The following LRP2 variants were observed in gnomAD, a reference collection of about 807,000 sequenced individuals.
LRP2 encodes the protein LDL receptor related protein 2.
LRP2 carries 172 observed loss-of-function variants against 531.0 expected under a neutral mutation model. The ratio of observed to expected loss-of-function variants is 0.32; its 90% confidence interval spans 0.29 to 0.37. The LOEUF is 0.37. Ranked by LOEUF, LRP2 falls within the 10% of genes least tolerant of loss-of-function variation. The pLI, the probability that LRP2 is intolerant of heterozygous loss-of-function variation, is 1.00. For synonymous variants in LRP2, 1,992 were observed against 2,027.6 expected, an observed-to-expected ratio of 0.98 and a Z score of 0.47; for missense variants, 5,167 against 5,868.3, an observed-to-expected ratio of 0.88 and a Z score of 3.90.
rs200492791 is a variant in LRP2, at chr2:169,132,561, C to T, written c.13728+13G>A. 1.6e-4 allele frequency: 234 copies of T among 1,491,988 alleles called. 3 individuals carry two copies. The highest frequency in any genetic ancestry group is 1.4e-3 in the South Asian group (120 of 88,584). The allele number at this position is 1,491,988 out of a possible 1,614,324, so 92.4% of individuals were successfully genotyped here. On this transcript the variant is annotated intron_variant, in intron 77 of 78. Transcript: ENST00000649046. ...CCAAATCCCACATTATTTCAGGAGT[C>T]GGCAACTGTTACCTGAGTTCCATCA...
At chr2:169,298,430 A>G (rs1313180454) in intron 4 of LRP2, among the ~76,000 whole-genome samples, 1 of 152,158 alleles carries the variant, frequency 6.6e-6, no homozygotes, top group Non-Finnish European at 1.5e-5. Flanking sequence ...CCAGAATTCA[A>G]ATCCAATCAA....
chr2:169,293,675 C>CA (rs113991756), intron 6 of LRP2, among the ~76,000 whole-genome samples: 78,545 of 151,780 alleles, frequency 0.52, 20,494 homozygotes, highest in East Asian at 0.66. Context: ...ACTCCATCTC[C>CA]AAAAAAAGAA....
rs1687848230 is a variant in LRP2 at position 169,192,023 on chromosome 2, G to C, written c.8841C>G (p.Asn2947Lys). 1 of 1,611,408 alleles carries C rather than the reference G, an allele frequency of 6.2e-7. No individual in the cohort carries two copies. The highest frequency in any genetic ancestry group is 1.3e-5 in the African/African-American group (1 of 74,954). Residue 2947 changes from asparagine (N) to lysine (K), a missense_variant, in exon 48 of 79, where the codon AAC (asparagine) becomes AAG (lysine). Around this residue, in one of 6 missense-constraint regions of LRP2, gnomAD observed 1,129 missense variants for 1,362.7 expected, o/e 0.83. Coordinates refer to ENST00000649046, the MANE Select transcript of LRP2 (RefSeq NM_004525.3). ...EDKRHQCQNQ[N>K]CSDSEFLCVN... The stretch of plus-strand genomic sequence containing the variant: ...CACAGAGAAACTCGGAATCCGAGCA[G>C]TTTTGATTCTCTGAAACCAAAGCAC...
rs532358703 is a variant in LRP2 at position 169,143,577 on chromosome 2, C to T, written c.12989-784G>A. ...AGGAGAATGGTGTGAACCCAGGAGG[C>T]GGAGCTTGCAGTGAGCCGAGATTGC... On this transcript the variant is annotated intron_variant, in intron 70 of 78. Coordinates refer to ENST00000649046, the MANE Select transcript of LRP2 (RefSeq NM_004525.3). Among the ~76,000 whole-genome samples, 3 of 152,232 alleles carry T rather than the reference C, an allele frequency of 2.0e-5. No individual in the cohort carries two copies. In the East Asian group the frequency reaches 5.8e-4, roughly 29 times the overall value.
At chr2:169,285,595 C>T (rs73037819) in intron 9 of LRP2, among the ~76,000 whole-genome samples, 7,559 of 152,084 alleles carry the variant, frequency 0.05, 293 homozygotes, top group African/African-American at 0.11. Context: ...GTGAAAATGA[C>T]TCAAAAACCC....
At chr2:169,243,324 C>A in intron 23 of LRP2, 79 bp downstream of exon 23, 1 of 1,548,772 alleles carries the variant, frequency 6.5e-7, no homozygotes, top group Non-Finnish European at 8.9e-7. Flanking sequence ...GTGTGATGTT[C>A]CCCTCCCTGT....
At chr2:169,131,518 A>C (rs1003493685) in intron 77 of LRP2, among the ~76,000 whole-genome samples, 1 of 152,204 alleles carries the variant, frequency 6.6e-6, no homozygotes, top group Non-Finnish European at 1.5e-5. Context: ...AACTACTCTT[A>C]GACTTTCATT....
chr2:169,273,158 G>A lies in LRP2; in HGVS notation c.1976-91C>T, dbSNP rs1029054928. 5.0e-6 allele frequency: 7 copies of A among 1,399,738 alleles called. No homozygotes were observed. The South Asian group carries it at 6.9e-5, about 14-fold the overall frequency. 86.7% of individuals were successfully genotyped at this position (1,399,738 alleles called of 1,614,324 possible). On this transcript the variant is annotated intron_variant, in intron 14 of 78. Transcript: ENST00000649046. ...CACTTCTAGCCCTTTTCACCTATAGGTGAAATAGAGTAATGGATTAGCAAC... is the reference window on the plus strand; with the variant it reads ...CACTTCTAGCCCTTTTCACCTATAGATGAAATAGAGTAATGGATTAGCAAC...
chr2:169,160,904 A>T (rs1686560863), intron 63 of LRP2, among the ~76,000 whole-genome samples: 1 of 152,210 alleles, frequency 6.6e-6, no homozygotes, highest in South Asian at 2.1e-4. Context: ...TGGCAAGCCA[A>T]CTCAATATGG....
intron 50 of LRP2, among the ~76,000 whole-genome samples, chr2:169,183,267 G>A (rs1687507142): frequency 1.3e-5 from 2 of 152,170 alleles, no homozygotes; most frequent in Admixed American, 6.5e-5. Context: ...CAGTAGCATC[G>A]CTTCAGGCTT....
rs1684589146 is a variant in LRP2, at chr2:169,311,250, A to C, written c.311-3853T>G. ...TTTCTTGCCTTCTGCTAGCTTTTGA[A>C]TGTGTTTGCTCTGGCTTCTCTAGTT... On this transcript the variant is annotated intron_variant, in intron 3 of 78. Coordinates refer to ENST00000649046, the MANE Select transcript of LRP2 (RefSeq NM_004525.3). Among the ~76,000 whole-genome samples, 3 of 152,038 alleles carry C rather than the reference A, an allele frequency of 2.0e-5. No individual in the cohort carries two copies. The South Asian group carries it at 6.2e-4, about 31-fold the overall frequency.
intron 69 of LRP2, 33 bp from the exon 70 acceptor site, chr2:169,145,956 G>A: frequency 1.2e-6 from 2 of 1,609,924 alleles, no homozygotes; most frequent in Non-Finnish European, 1.7e-6. Flanking sequence ...CAAAACAGAA[G>A]GTTATTGAAA....
intron 1 of LRP2, among the ~76,000 whole-genome samples, chr2:169,350,863 T>C (rs1043357757): frequency 6.6e-6 from 1 of 151,866 alleles, no homozygotes; most frequent in Non-Finnish European, 1.5e-5. Context: ...AGGAACAAGA[T>C]CCATGAATGT....
At chr2:169,362,265 C>A in intron 1 of LRP2, 56 bp downstream of exon 1, 2 of 1,469,318 alleles carry the variant, frequency 1.4e-6, no homozygotes, top group Non-Finnish European at 1.9e-6. Flanking sequence ...GCGGACCCGA[C>A]CCTGCCACAG....
chr2:169,310,730 A>G (rs1684571532), intron 3 of LRP2, among the ~76,000 whole-genome samples: 1 of 152,182 alleles, frequency 6.6e-6, no homozygotes, highest in Admixed American at 6.5e-5. Context: ...TGAATTAGGG[A>G]GGATTCCCTC....
At chr2:169,172,720 AG>A (rs1320726263) in intron 57 of LRP2, among the ~76,000 whole-genome samples, 1 of 152,188 alleles carries the variant, frequency 6.6e-6, no homozygotes, top group African/African-American at 2.4e-5. Flanking sequence ...TATCCTTTTT[AG>A]AGATAGATAC....
chr2:169,204,302 T>C lies in LRP2; in HGVS notation c.7716-31A>G, dbSNP rs145501249. ...ATGAAGCAAAAAAAAATTTAGAAGT[T>C]GAAATCTCAAGTGAGTTAAGTTTTC... On this transcript the variant is annotated intron_variant, in intron 41 of 78. Coordinates refer to ENST00000649046, the MANE Select transcript of LRP2 (RefSeq NM_004525.3). 3.3e-4 allele frequency: 525 copies of C among 1,603,306 alleles called. 2 individuals carry two copies. In the African/African-American group the frequency reaches 4.6e-3, roughly 14 times the overall value.
At chr2:169,323,304 T>A (rs1199665892) in intron 1 of LRP2, among the ~76,000 whole-genome samples, 3 of 152,220 alleles carry the variant, frequency 2.0e-5, no homozygotes, top group Admixed American at 2.0e-4. Flanking sequence ...AAACGACTAT[T>A]GTTTGGAAAT....
At chr2:169,188,424 C>T (rs887937471) in intron 48 of LRP2, among the ~76,000 whole-genome samples, 159 bp from the exon 49 acceptor site, 2 of 152,146 alleles carry the variant, frequency 1.3e-5, no homozygotes, top group African/African-American at 2.4e-5. Context: ...CCATCATCTT[C>T]GTCTACCCCA....
Sources: allele counts gnomAD v4.1 joint callset (sites outside exome capture counted in the v4.1 genomes callset), GRCh38; gene constraint gnomAD v4.1.1; regional missense constraint gnomAD v4.1.1; transcripts MANE v1.5; gene names NCBI Gene and HGNC (gene_info 2026-07-23, HGNC 2026-07-21).